Variants in TBX1 observed in about 807,000 individuals in gnomAD.
TBX1 encodes T-box transcription factor 1, also known as T-box transcription factor TBX1.
In TBX1, 16 loss-of-function variants were observed where a neutral mutation model predicts 40.8. The ratio of observed to expected loss-of-function variants is 0.39; its 90% CI spans 0.27 to 0.60. The LOEUF is 0.60. TBX1 is among the 20% of genes least tolerant of loss of function. The pLI, the probability that TBX1 is intolerant of heterozygous loss-of-function variation, is 0.51. For synonymous variants in TBX1, 403 were observed against 336.8 expected, an observed-to-expected ratio of 1.20 and a Z score of -2.15; for missense variants, 755 against 728.5, an observed-to-expected ratio of 1.04 and a Z score of -0.42.
chr22:19,776,914 AC>A (rs1937073859), intron 8 of TBX1, among the ~76,000 whole-genome samples: 2 of 151,758 alleles, frequency 1.3e-5, no homozygotes, highest in Admixed American at 1.3e-4. Context: ...AAAAGGCAAA[AC>A]CACAGTACAG....
intron 1 of TBX1, among the ~76,000 whole-genome samples, chr22:19,762,430 G>A (rs141090457): frequency 6.6e-6 from 1 of 152,214 alleles, no homozygotes; most frequent in African/African-American, 2.4e-5. Context: ...TTGTCCTGAA[G>A]GGCCCCACGG....
intron 8 of TBX1, among the ~76,000 whole-genome samples, chr22:19,774,160 A>G (rs2145847496): frequency 6.6e-6 from 1 of 152,364 alleles, no homozygotes; most frequent in South Asian, 2.1e-4. Context: ...TGGGACTGTA[A>G]GATAGTGCAG....
rs1169037254 is a variant in TBX1, at chr22:19,760,980, C to T, written c.137C>T (p.Pro46Leu). Reference sequence around the variant, plus strand: ...GGCGCCGCGTCGCCCGGCGCCGACCCGTACGGCCCGCGCGAGCCCCCGCCG... The same window carrying T: ...GGCGCCGCGTCGCCCGGCGCCGACCTGTACGGCCCGCGCGAGCCCCCGCCG... ...FPGAASPGAD[P>L]YGPREPPPPP... is the part of the protein sequence containing the mutation. The change falls in exon 1 of 7, where the codon CCG (proline) becomes CTG (leucine). Residue 46 changes from proline (P) to leucine (L), a missense_variant. Transcript: ENST00000649276. 44 of 967,354 alleles carry T rather than the reference C, an allele frequency of 4.5e-5. No individual in the cohort carries two copies. Among genetic ancestry groups the T allele is most frequent in the Non-Finnish European group, 5.4e-5 (44 of 816,430 alleles). 59.9% of individuals were successfully genotyped at this position (967,354 alleles called of 1,614,324 possible).
chr22:19,767,878 G>T (rs894946046), downstream of TBX1, among the ~76,000 whole-genome samples: 1 of 152,236 alleles, frequency 6.6e-6, no homozygotes, highest in African/African-American at 2.4e-5. Flanking sequence ...TGCCGGCCTA[G>T]CCCAGGCCCG....
rs986160448 is a variant in TBX1, at chr22:19,767,264, A to G, written c.*397A>G. On this transcript the variant is annotated 3_prime_UTR_variant, in exon 7 of 7. Coordinates refer to ENST00000649276, the MANE Select transcript of TBX1 (RefSeq NM_001379200.1). The stretch of plus-strand genomic sequence containing the variant: ...CCCCGCCTGCAGGCGGTGTAGATAC[A>G]TGTAGATACTGTAGATACTGTAGAT... 1.9e-6 allele frequency: 2 copies of G among 1,025,922 alleles called. No homozygotes were observed. Among genetic ancestry groups the G allele is most frequent in the African/African-American group, 1.7e-5 (1 of 58,198 alleles). The allele number at this position is 1,025,922 out of a possible 1,614,324, so 63.6% of individuals were successfully genotyped here.
chr22:19,776,824 T>A (rs1354237016), intron 8 of TBX1, among the ~76,000 whole-genome samples: 1 of 151,776 alleles, frequency 6.6e-6, no homozygotes, highest in Non-Finnish European at 1.5e-5. Flanking sequence ...CCTGGATGAG[T>A]CTTGACTTTA....
upstream of TBX1, among the ~76,000 whole-genome samples, chr22:19,759,312 C>A (rs939602729): frequency 1.1e-4 from 17 of 152,248 alleles, no homozygotes; most frequent in Admixed American, 6.5e-5. Context: ...GTCTGGGCCC[C>A]TCGGCTGCTA....
chr22:19,773,232 G>A (rs765025605), intron 8 of TBX1, among the ~76,000 whole-genome samples: 3 of 152,238 alleles, frequency 2.0e-5, no homozygotes, highest in Non-Finnish European at 4.4e-5. Context: ...TGACCGATCT[G>A]AAAGCCTGCC....
intron 8 of TBX1, among the ~76,000 whole-genome samples, chr22:19,774,648 G>C (rs1937038204): frequency 6.6e-6 from 1 of 152,116 alleles, no homozygotes; most frequent in African/African-American, 2.4e-5. Flanking sequence ...AAAGAGGAAG[G>C]GAATTCTGTT....
At chr22:19,757,284 T>C (rs957505640), upstream of TBX1, among the ~76,000 whole-genome samples, 1 of 152,150 alleles carries the variant, frequency 6.6e-6, no homozygotes, top group Non-Finnish European at 1.5e-5. Context: ...CCTGCCTGCC[T>C]GCAGGTCCTG....
chr22:19,777,818 G>A (rs1032254316), intron 8 of TBX1, among the ~76,000 whole-genome samples: 2 of 149,854 alleles, frequency 1.3e-5, no homozygotes, highest in Non-Finnish European at 1.5e-5. Context: ...GGAGTGCAGT[G>A]GTATGATCAT....
chr22:19,767,446 C>G (rs1438468182), downstream of TBX1: 10 of 955,000 alleles, frequency 1.0e-5, no homozygotes, highest in Non-Finnish European at 1.1e-5. Flanking sequence ...CCAATCCCTG[C>G]CGACTGTAGG....
At position 19,765,989 on chromosome 22, in the gene TBX1, C is replaced by T. The variant is rs1227296562; in HGVS notation, c.1023C>T (p.Ser341=). 2.0e-6 allele frequency: 3 copies of T among 1,511,802 alleles called. No individual in the cohort carries two copies. Among genetic ancestry groups the T allele is most frequent in the Admixed American group, 2.1e-5 (1 of 48,340 alleles). The allele number at this position is 1,511,802 out of a possible 1,614,324, so 93.6% of individuals were successfully genotyped here. ...CCGTGGCTTCCCCGACGCAGCCCAG[C>T]GGCACGGAGAAAGGTAGGGCCGGGG... is the stretch of plus-strand genomic sequence containing the variant. The part of the protein sequence containing the change: ...RNPVASPTQP[S]GTEKDAAEAR... The change falls in exon 6 of 7, where the codon AGC becomes AGT. Residue 341 remains serine, a synonymous_variant. Transcript: ENST00000649276.
At position 19,765,940 on chromosome 22, in the gene TBX1, G is replaced by C. The variant is rs775788782; in HGVS notation, c.974G>C (p.Ser325Thr). 22 of 1,524,590 alleles carry C rather than the reference G, an allele frequency of 1.4e-5. No homozygotes were observed. The highest frequency in any genetic ancestry group is 1.9e-5 in the Non-Finnish European group (22 of 1,138,772). 94.4% of individuals were successfully genotyped at this position (1,524,590 alleles called of 1,614,324 possible). A position where few individuals can be genotyped will look rare whatever the true frequency, so the allele number is the denominator to read the frequency against. The change falls in exon 6 of 7, where the codon AGC (serine) becomes ACC (threonine). Residue 325 changes from serine to threonine, a missense_variant. Coordinates refer to ENST00000649276, the MANE Select transcript of TBX1 (RefSeq NM_001379200.1). Reference sequence around the variant, plus strand: ...CGGCCCGGCGCACTGCCGCTCATGAGCGCCTTCGCGCGCTCGCGGAACCCC... The same window carrying C: ...CGGCCCGGCGCACTGCCGCTCATGACCGCCTTCGCGCGCTCGCGGAACCCC... ...NHRPGALPLMSAFARSRNPVA... is the reference protein window; with the variant it reads ...NHRPGALPLMTAFARSRNPVA...
At chr22:19,777,491 T>G (rs559683464) in intron 8 of TBX1, among the ~76,000 whole-genome samples, 1 of 152,326 alleles carries the variant, frequency 6.6e-6, no homozygotes, top group African/African-American at 2.4e-5. Flanking sequence ...TCCAAGTCTT[T>G]GCTATTGTGA....
intron 2 of TBX1, chr22:19,763,668 G>A (rs748836245): frequency 1.8e-5 from 8 of 441,530 alleles, no homozygotes; most frequent in Admixed American, 3.7e-5. Flanking sequence ...CGGCCTGAGC[G>A]CCTAGTCCCC....
At chr22:19,759,646 G>A (rs1400268687), upstream of TBX1, 1 of 1,612,394 alleles carries the variant, frequency 6.2e-7, no homozygotes, top group Non-Finnish European at 8.5e-7. Flanking sequence ...CGGCAGGGAT[G>A]CACTTCAGCA....
chr22:19,781,323 C>A (rs960117791), downstream of TBX1, among the ~76,000 whole-genome samples: 4 of 152,012 alleles, frequency 2.6e-5, no homozygotes, highest in East Asian at 7.7e-4. Context: ...ATTAAGTGAT[C>A]CTCTTGCCTC....
Position 19,766,942 on chromosome 22 carries a change from G to A in TBX1, c.*75G>A, listed in dbSNP as rs1936881884. On this transcript the variant is annotated 3_prime_UTR_variant, in exon 7 of 7. Coordinates refer to ENST00000649276, the MANE Select transcript of TBX1 (RefSeq NM_001379200.1). Reference sequence around the variant, plus strand: ...GCCGGGCCCGGCCACCCTGCCCCAAGGGCAAGCAAGGAATACGTTCCCCCA... The same window carrying A: ...GCCGGGCCCGGCCACCCTGCCCCAAAGGCAAGCAAGGAATACGTTCCCCCA... 1.9e-6 allele frequency: 3 copies of A among 1,544,842 alleles called. No homozygotes were observed. The highest frequency in any genetic ancestry group is 2.6e-6 in the Non-Finnish European group (3 of 1,155,380).
Sources: allele counts gnomAD v4.1 joint callset (sites outside exome capture counted in the v4.1 genomes callset), GRCh38; gene constraint gnomAD v4.1.1; transcripts MANE v1.5; gene names NCBI Gene and HGNC (gene_info 2026-07-23, HGNC 2026-07-21).